The following DAPK2 variants were observed in gnomAD, a reference collection of about 807,000 sequenced individuals.
DAPK2 encodes death associated protein kinase 2.
A neutral mutation model predicts 44.1 loss-of-function variants in DAPK2; 35 were observed. That is an observed-to-expected ratio of 0.79 (90% confidence interval 0.61 to 1.05). The LOEUF is 1.05. Ranked by LOEUF, DAPK2 falls within the 50% of genes least tolerant of loss-of-function variation. The pLI, the probability that DAPK2 is intolerant of heterozygous loss-of-function variation, is 0.00. For missense variants in DAPK2, 453 were observed against 483.2 expected (o/e 0.94, Z 0.59); for synonymous variants, 174 against 182.6 (o/e 0.95, Z 0.38).
At chr15:63,914,710 G>A (rs951824794) in intron 8 of DAPK2, among the ~76,000 whole-genome samples, 8 of 152,102 alleles carry the variant, frequency 5.3e-5, no homozygotes, top group Admixed American at 4.6e-4. Flanking sequence ...GGCTCCCATC[G>A]CACAGGTCCA....
chr15:63,936,718 C>T (rs530049297), intron 4 of DAPK2, among the ~76,000 whole-genome samples: 11 of 151,594 alleles, frequency 7.3e-5, no homozygotes, highest in South Asian at 2.1e-4. Flanking sequence ...TGGTGGTTCA[C>T]GCCTGTCACC....
chr15:63,982,187 CTTT>C (rs5813271), intron 2 of DAPK2, among the ~76,000 whole-genome samples: 1 of 107,856 alleles, frequency 9.3e-6, no homozygotes. Flanking sequence ...TCAGAATATT[CTTT>C]TTTTTTTTTT....
At chr15:63,964,595 T>G (rs1317402577) in intron 3 of DAPK2, among the ~76,000 whole-genome samples, 1 of 152,132 alleles carries the variant, frequency 6.6e-6, no homozygotes, top group Non-Finnish European at 1.5e-5. Context: ...AATTTGCCTT[T>G]TTGAGGCTAT....
At chr15:64,001,961 G>A (rs62021501) in intron 1 of DAPK2, among the ~76,000 whole-genome samples, 3,002 of 152,278 alleles carry the variant, frequency 0.02, 56 homozygotes, top group Non-Finnish European at 0.031. Context: ...GCAGTATTAT[G>A]AACAAACACA....
intron 3 of DAPK2, among the ~76,000 whole-genome samples, chr15:63,955,376 TTA>T (rs997179859): frequency 6.0e-4 from 91 of 152,216 alleles, no homozygotes; most frequent in Non-Finnish European, 1.2e-4. Context: ...ATTGAAATGA[TTA>T]TGTTTTTTTC....
chr15:63,941,295 C>T (rs78381539), intron 3 of DAPK2, among the ~76,000 whole-genome samples: 2,483 of 152,314 alleles, frequency 0.016, 44 homozygotes, highest in African/African-American at 0.043. Flanking sequence ...AGCCCCACCC[C>T]GCTCCAGGCC....
chr15:63,936,543 G>A (rs1306610370), intron 4 of DAPK2, among the ~76,000 whole-genome samples: 3 of 152,052 alleles, frequency 2.0e-5, no homozygotes, highest in Non-Finnish European at 2.9e-5. Context: ...CCCAGGAGGC[G>A]GAGGTTGCAG....
upstream of DAPK2, among the ~76,000 whole-genome samples, chr15:64,044,004 C>T (rs112204899): frequency 0.014 from 2,112 of 152,314 alleles, 21 homozygotes; most frequent in Non-Finnish European, 0.022. Context: ...TTCCTAACAC[C>T]TCTCCTAAGG....
At chr15:63,938,417 G>C (rs2077219788) in intron 4 of DAPK2, among the ~76,000 whole-genome samples, 1 of 152,258 alleles carries the variant, frequency 6.6e-6, no homozygotes, top group South Asian at 2.1e-4. Context: ...TGGGGTCTCT[G>C]AGCAGCATTC....
intron 1 of DAPK2, among the ~76,000 whole-genome samples, chr15:64,036,346 T>TATATAC (rs2080211037): frequency 1.5e-5 from 2 of 133,768 alleles, no homozygotes; most frequent in African/African-American, 2.7e-5. Flanking sequence ...TACATATATA[T>TATATAC]ATATATATTT....
chr15:63,972,550 G>A (rs762695572), intron 2 of DAPK2, among the ~76,000 whole-genome samples: 1 of 152,192 alleles, frequency 6.6e-6, no homozygotes, highest in Admixed American at 6.5e-5. Flanking sequence ...CTGGTCAATG[G>A]AGGAAAGGGC....
In DAPK2 at chr15:64,013,141, A is replaced by T. The variant is rs1161253287; in HGVS notation, c.92+27029T>A. Among the ~76,000 whole-genome samples the T allele has an allele frequency of 6.6e-6, 1 of 152,252 alleles. No homozygotes were observed. On this transcript the variant is annotated intron_variant, in intron 1 of 10. Transcript: ENST00000261891. The surrounding 1 kb of genome is among the most constrained non-coding windows in gnomAD (Gnocchi z 4.7). Reference sequence around the variant, plus strand: ...CAACCCATAAGGTGGCAACCAAATCATTAAAGAGCCGACTCATTTCACGGT... The same window carrying T: ...CAACCCATAAGGTGGCAACCAAATCTTTAAAGAGCCGACTCATTTCACGGT...
chr15:64,011,182 T>C (rs1192415138), intron 1 of DAPK2, among the ~76,000 whole-genome samples: 2 of 152,210 alleles, frequency 1.3e-5, no homozygotes, highest in African/African-American at 4.8e-5. Context: ...GCTGTGCTTG[T>C]GGCTTTGCAC....
chr15:64,007,361 A>G (rs1375356440), intron 1 of DAPK2, among the ~76,000 whole-genome samples: 2 of 151,380 alleles, frequency 1.3e-5, no homozygotes, highest in Non-Finnish European at 2.9e-5. Context: ...GCCCCCACTC[A>G]GTTTCCAGTT....
rs1326811263 is a variant in DAPK2 at position 63,939,841 on chromosome 15, A to T, written c.454-480T>A. 6.6e-6 allele frequency among the ~76,000 whole-genome samples: 1 copy of T among 152,204 alleles called. No homozygotes were observed. The highest frequency in any genetic ancestry group is 1.5e-5 in the Non-Finnish European group (1 of 68,028). ...TCCTGACCGCCTCTTTCCCCTGGCC[A>T]GCCAACTTCCTGTTGACAACATTCC... On this transcript the variant is annotated intron_variant, in intron 3 of 10. Transcript: ENST00000261891. This position sits in a 1 kb window ranked among gnomAD's most constrained non-coding sequence, Gnocchi z 4.3.
chr15:63,994,265 TAAGCTGAAGAACCGGGAAGTGTGATA>T (rs1246760692), intron 1 of DAPK2, among the ~76,000 whole-genome samples: 1 of 152,162 alleles, frequency 6.6e-6, no homozygotes, highest in Non-Finnish European at 1.5e-5. Context: ...AATGATGACC[TAAGCTGAAGAACCGGGAAGTGTGATA>T]AAGGGCCTTG....
At chr15:63,984,951 T>G (rs1196030347) in intron 1 of DAPK2, among the ~76,000 whole-genome samples, 1 of 152,200 alleles carries the variant, frequency 6.6e-6, no homozygotes, top group Non-Finnish European at 1.5e-5. Context: ...AAAGTCAAGT[T>G]CAGCAAGCAA....
At chr15:63,936,202 T>A (rs2077141951) in intron 4 of DAPK2, among the ~76,000 whole-genome samples, 1 of 152,208 alleles carries the variant, frequency 6.6e-6, no homozygotes, top group South Asian at 2.1e-4. Context: ...TTGCCTCTAG[T>A]GGAGTTCCTT....
At chr15:64,037,710 T>G (rs2080247667) in intron 1 of DAPK2, among the ~76,000 whole-genome samples, 1 of 152,170 alleles carries the variant, frequency 6.6e-6, no homozygotes, top group African/African-American at 2.4e-5. Flanking sequence ...TTCTAGCCTG[T>G]TCTGTGGCCC....
Sources: allele counts gnomAD v4.1 joint callset (sites outside exome capture counted in the v4.1 genomes callset), GRCh38; gene constraint gnomAD v4.1.1; non-coding constraint Gnocchi (gnomAD v3.1); transcripts MANE v1.5; gene names NCBI Gene and HGNC (gene_info 2026-07-23, HGNC 2026-07-21).